The following RET variants were observed in gnomAD, a reference collection of about 807,000 sequenced individuals.
RET encodes the protein ret proto-oncogene.
In RET, 19 loss-of-function variants were observed where a neutral mutation model predicts 118.3. The observed-to-expected ratio is 0.16, with a 90% CI of 0.11 to 0.24. The LOEUF (loss-of-function observed/expected upper bound fraction) is 0.24. Ranked by LOEUF, RET falls within the 10% of genes least tolerant of loss-of-function variation. The pLI, the probability that RET is intolerant of heterozygous loss-of-function variation, is 1.00. For missense variants in RET, 1,219 were observed against 1,502.1 expected (o/e 0.81, Z 3.12); for synonymous variants, 597 against 644.1 (o/e 0.93, Z 1.11).
intron 1 of RET, among the ~76,000 whole-genome samples, chr10:43,082,138 T>C (rs1254494193): frequency 1.3e-5 from 2 of 152,172 alleles, no homozygotes; most frequent in African/African-American, 4.8e-5. Flanking sequence ...GTCCCTGAAC[T>C]GTCCACCCTG....
At chr10:43,087,460 C>G (rs1837314169) in intron 1 of RET, among the ~76,000 whole-genome samples, 1 of 152,252 alleles carries the variant, frequency 6.6e-6, no homozygotes, top group Non-Finnish European at 1.5e-5. Flanking sequence ...GGTATATGCA[C>G]TGAGCTGTCC....
At chr10:43,112,374 A>AT in intron 8 of RET, 150 bp downstream of exon 8, 5 of 1,193,778 alleles carry the variant, frequency 4.2e-6, no homozygotes, top group Non-Finnish European at 6.0e-6. Flanking sequence ...ATGCCAGCAT[A>AT]GCGGGCAGCA....
In RET at chr10:43,106,312, TG is replaced by T; in HGVS notation, c.868-62del. The T allele has an allele frequency of 6.6e-7, 1 of 1,511,484 alleles. No homozygotes were observed. The highest frequency in any genetic ancestry group is 1.1e-5 in the South Asian group (1 of 88,014). 93.6% of individuals were successfully genotyped at this position (1,511,484 alleles called of 1,614,324 possible). A position where few individuals can be genotyped will look rare whatever the true frequency, so the allele number is the denominator to read the frequency against. On this transcript the variant is annotated intron_variant, in intron 4 of 19. Coordinates refer to ENST00000355710, the MANE Select transcript of RET (RefSeq NM_020975.6). The surrounding 1 kb of genome is among the most constrained non-coding windows in gnomAD (Gnocchi z 5.1). ...GGGACGTGCAGCATTCTAAGGTCTC[TG>T]GTTTTGGGGGGTCTGAGGGGCCCAT... is the stretch of plus-strand genomic sequence containing the variant.
chr10:43,093,885 G>C (rs1314608339), intron 1 of RET, among the ~76,000 whole-genome samples: 2 of 152,146 alleles, frequency 1.3e-5, no homozygotes, highest in Non-Finnish European at 2.9e-5. Flanking sequence ...AGAAGGCCAG[G>C]CGCAGGCTCC....
In RET at chr10:43,114,766, C is replaced by T. The variant is rs1268514540; in HGVS notation, c.2136+30C>T. 6.3e-7 allele frequency: 1 copy of T among 1,583,322 alleles called. No individual in the cohort carries two copies. The highest frequency in any genetic ancestry group is 8.6e-7 in the Non-Finnish European group (1 of 1,168,394). ...GGGTCCCTGCGGGGCAGGGAAGATCCCCTGCCCTCCCCAGCTGCCTTCCAG... is the reference window on the plus strand; with the variant it reads ...GGGTCCCTGCGGGGCAGGGAAGATCTCCTGCCCTCCCCAGCTGCCTTCCAG... On this transcript the variant is annotated intron_variant, in intron 11 of 19. Transcript: ENST00000355710. This position sits in a 1 kb window ranked among gnomAD's most constrained non-coding sequence, Gnocchi z 4.6.
intron 1 of RET, among the ~76,000 whole-genome samples, chr10:43,095,679 T>C (rs1837508479): frequency 6.6e-6 from 1 of 152,190 alleles, no homozygotes; most frequent in Non-Finnish European, 1.5e-5. Flanking sequence ...TGGGAGCAGA[T>C]GGGGTCTTAG....
chr10:43,122,807 C>A (rs1838247014), intron 16 of RET, among the ~76,000 whole-genome samples: 1 of 152,146 alleles, frequency 6.6e-6, no homozygotes. Flanking sequence ...GACAGGGTTT[C>A]ACCATGTTGG....
intron 1 of RET, among the ~76,000 whole-genome samples, chr10:43,100,236 AC>A (rs1197558291): frequency 6.6e-6 from 1 of 152,144 alleles, no homozygotes; most frequent in African/African-American, 2.4e-5. Context: ...TAGGCTTGTC[AC>A]TGAGGATACT....
Position 43,102,532 on chromosome 10 carries a change from T to G in RET, c.528T>G (p.Ile176Met), listed in dbSNP as rs556686338. 1 of 1,614,016 alleles carries G rather than the reference T, an allele frequency of 6.2e-7. No homozygotes were observed. Among genetic ancestry groups the G allele is most frequent in the Non-Finnish European group, 8.5e-7 (1 of 1,180,042 alleles). Residue 176 changes from isoleucine to methionine, a missense_variant, in exon 3 of 20, where the codon ATT (isoleucine) becomes ATG (methionine). Physicochemically the swap from Ile to Met is conservative, Grantham distance 10. Around this residue, in one of 5 missense-constraint regions of RET, gnomAD observed 850 missense variants for 969.6 expected, o/e 0.88. Transcript: ENST00000355710. Reference sequence around the variant, plus strand: ...CAGAGACAAGGCCCTCCTTCCGCATTCGGGAGAACCGACCCCCAGGCACCT... The same window carrying G: ...CAGAGACAAGGCCCTCCTTCCGCATGCGGGAGAACCGACCCCCAGGCACCT... ...CFPETRPSFR[I>M]RENRPPGTFH...
In RET at chr10:43,100,529, G is replaced by A. The variant is rs759872307; in HGVS notation, c.144G>A (p.Thr48=). ...EKLYVDQAAG[T]PLLYVHALRD... is the part of the protein sequence containing the mutation. ...TGTATGTGGACCAGGCAGCCGGCAC[G>A]CCCTTGCTGTACGTCCATGCCCTGC... is the stretch of plus-strand genomic sequence containing the variant. The change falls in exon 2 of 20, where the codon ACG becomes ACA. Residue 48 remains threonine, a synonymous_variant. Coordinates refer to ENST00000355710, the MANE Select transcript of RET (RefSeq NM_020975.6). 83 of 1,613,734 alleles carry A rather than the reference G, an allele frequency of 5.1e-5. No individual in the cohort carries two copies. Among genetic ancestry groups the A allele is most frequent in the Non-Finnish European group, 6.5e-5 (77 of 1,180,028 alleles).
At chr10:43,102,183 G>T (rs1012685820) in intron 2 of RET, 159 bp from the exon 3 acceptor site, 13 of 835,326 alleles carry the variant, frequency 1.6e-5, no homozygotes, top group Non-Finnish European at 2.3e-5. Flanking sequence ...TGCAGCAGAG[G>T]TAAGGAGGTG....
chr10:43,099,326 A>G (rs1837585080), intron 1 of RET, among the ~76,000 whole-genome samples: 1 of 152,068 alleles, frequency 6.6e-6, no homozygotes, highest in Non-Finnish European at 1.5e-5. Flanking sequence ...CCTGACCAAC[A>G]TGGAGAAACC....
intron 2 of RET, among the ~76,000 whole-genome samples, chr10:43,101,271 G>C (rs957245253): frequency 1.8e-4 from 27 of 152,178 alleles, no homozygotes; most frequent in African/African-American, 6.0e-4. Flanking sequence ...GAGCCCCTGT[G>C]ACAGGAAACG....
chr10:43,107,001 G>T lies in RET; in HGVS notation c.1063+430G>T, dbSNP rs73252052. Among the ~76,000 whole-genome samples, 1,438 of 152,308 alleles carry T rather than the reference G, an allele frequency of 9.4e-3. 26 individuals carry two copies. Among genetic ancestry groups the T allele is most frequent in the African/African-American group, 0.033 (1,363 of 41,554 alleles). ...CAGGCTGGTGTACAGAAGCAGCCCC[G>T]AGCCAGGTCAGGGCTTCTGAGCCCA... On this transcript the variant is annotated intron_variant, in intron 5 of 19. Transcript: ENST00000355710.
In RET at chr10:43,106,233, C is replaced by T; in HGVS notation, c.868-143C>T. 2.3e-6 allele frequency: 2 copies of T among 861,088 alleles called. No individual in the cohort carries two copies. The highest frequency in any genetic ancestry group is 2.0e-5 in the Admixed American group (1 of 49,822). 53.3% of individuals were successfully genotyped at this position (861,088 alleles called of 1,614,324 possible). ...CGTGGGAACTTGAACCCAGGTCAGA[C>T]TGTCCCCAGACCTGGCTCTGACAAC... On this transcript the variant is annotated intron_variant, in intron 4 of 19. Coordinates refer to ENST00000355710, the MANE Select transcript of RET (RefSeq NM_020975.6). The surrounding 1 kb of genome is among the most constrained non-coding windows in gnomAD (Gnocchi z 5.1).
At chr10:43,110,408 T>G (rs2132757372) in intron 6 of RET, among the ~76,000 whole-genome samples, 1 of 152,286 alleles carries the variant, frequency 6.6e-6, no homozygotes, top group African/African-American at 2.4e-5. Context: ...TTTGCTGTGG[T>G]CACTTGTGGG....
Position 43,106,282 on chromosome 10 carries a change from T to C in RET, c.868-94T>C. On this transcript the variant is annotated intron_variant, in intron 4 of 19. Coordinates refer to ENST00000355710, the MANE Select transcript of RET (RefSeq NM_020975.6). This position sits in a 1 kb window ranked among gnomAD's most constrained non-coding sequence, Gnocchi z 5.1. The stretch of plus-strand genomic sequence containing the variant: ...ACACACATCTGGTCCACCTATGGGC[T>C]GTGTGGGACGTGCAGCATTCTAAGG... 1 of 1,212,712 alleles carries C rather than the reference T, an allele frequency of 8.2e-7. No individual in the cohort carries two copies. Among genetic ancestry groups the C allele is most frequent in the Non-Finnish European group, 1.2e-6 (1 of 842,960 alleles). The allele number at this position is 1,212,712 out of a possible 1,614,324, so 75.1% of individuals were successfully genotyped here.
chr10:43,095,064 A>T (rs1358820491), intron 1 of RET, among the ~76,000 whole-genome samples: 1 of 152,156 alleles, frequency 6.6e-6, no homozygotes, highest in Non-Finnish European at 1.5e-5. Flanking sequence ...CCTCAGCTGC[A>T]GGTGGGCACC....
intron 6 of RET, among the ~76,000 whole-genome samples, chr10:43,110,692 C>T (rs1353235904): frequency 6.6e-6 from 1 of 152,118 alleles, no homozygotes; most frequent in Non-Finnish European, 1.5e-5. Flanking sequence ...GGCAACCATG[C>T]TCCCGAGTCT....
Sources: allele counts gnomAD v4.1 joint callset (sites outside exome capture counted in the v4.1 genomes callset), GRCh38; gene constraint gnomAD v4.1.1; regional missense constraint gnomAD v4.1.1; non-coding constraint Gnocchi (gnomAD v3.1); transcripts MANE v1.5; gene names NCBI Gene and HGNC (gene_info 2026-07-23, HGNC 2026-07-21).